GPC6: variants seen among roughly 807,000 people sequenced by gnomAD.
GPC6 encodes glypican-6.
GPC6 carries 14 observed loss-of-function variants against 55.2 expected under a neutral mutation model. That is an observed-to-expected ratio of 0.25 (90% confidence interval 0.17 to 0.40). The LOEUF is 0.40. Among genes scored for constraint, GPC6 ranks in the 10% least tolerant of loss-of-function variants. The probability of loss-of-function intolerance (pLI) is 1.00; values close to 1 mark genes in which losing one functional copy is unlikely to be tolerated. For synonymous variants in GPC6, 278 were observed against 259.6 expected, an observed-to-expected ratio of 1.07 and a Z score of -0.68; for missense variants, 641 against 708.5, an observed-to-expected ratio of 0.90 and a Z score of 1.08.
chr13:94,374,435 C>T (rs1879739215), intron 6 of GPC6, among the ~76,000 whole-genome samples: 1 of 148,380 alleles, frequency 6.7e-6, no homozygotes, highest in Admixed American at 6.7e-5. Flanking sequence ...ATAAAACAGA[C>T]TTTAAACCAA....
At chr13:93,423,200 A>G (rs2139262290) in intron 1 of GPC6, among the ~76,000 whole-genome samples, 1 of 152,282 alleles carries the variant, frequency 6.6e-6, no homozygotes, top group South Asian at 2.1e-4. Flanking sequence ...AGTTTTAGGG[A>G]CATGAGAAAA....
intron 3 of GPC6, among the ~76,000 whole-genome samples, chr13:93,955,205 G>A (rs1475131899): frequency 6.8e-6 from 1 of 147,006 alleles, no homozygotes; most frequent in Non-Finnish European, 1.5e-5. Context: ...AAGTGCAGAA[G>A]GAAGTTGGTT....
At chr13:93,643,140 C>T (rs1880029366) in intron 2 of GPC6, among the ~76,000 whole-genome samples, 1 of 152,078 alleles carries the variant, frequency 6.6e-6, no homozygotes, top group African/African-American at 2.4e-5. Flanking sequence ...AGTTATTGTG[C>T]AATGAGTTCC....
intron 4 of GPC6, among the ~76,000 whole-genome samples, chr13:94,173,872 A>G (rs1330485576): frequency 3.3e-5 from 5 of 152,178 alleles, no homozygotes; most frequent in African/African-American, 9.7e-5. Flanking sequence ...TAGTTTTCCA[A>G]TTACTGCAGC....
At chr13:93,963,918 G>C (rs984864364) in intron 3 of GPC6, among the ~76,000 whole-genome samples, 6 of 152,138 alleles carry the variant, frequency 3.9e-5, no homozygotes. Context: ...CAAGTATCAG[G>C]AGACTTTGTA....
intron 4 of GPC6, among the ~76,000 whole-genome samples, chr13:94,148,109 G>T (rs750531684): frequency 5.9e-5 from 9 of 152,156 alleles, no homozygotes; most frequent in Non-Finnish European, 1.0e-4. Context: ...GAGATTAGTG[G>T]TCCTTACCCA....
intron 7 of GPC6, among the ~76,000 whole-genome samples, chr13:94,397,197 G>T (rs892461835): frequency 2.0e-5 from 3 of 151,992 alleles, no homozygotes; most frequent in Non-Finnish European, 2.9e-5. Context: ...GAGGCTACAG[G>T]GGGGTGTCTC....
At chr13:93,623,619 C>T (rs949162578) in intron 2 of GPC6, among the ~76,000 whole-genome samples, 12 of 151,986 alleles carry the variant, frequency 7.9e-5, no homozygotes, top group Non-Finnish European at 1.3e-4. Flanking sequence ...CCACCACTTC[C>T]AGCTAATTTT....
chr13:94,400,947 G>A (rs1881105292), intron 8 of GPC6, among the ~76,000 whole-genome samples: 1 of 152,166 alleles, frequency 6.6e-6, no homozygotes, highest in Non-Finnish European at 1.5e-5. Context: ...TTACCCTGGT[G>A]CATTTAAATA....
chr13:94,383,193 C>T (rs1177572572), intron 7 of GPC6, among the ~76,000 whole-genome samples: 1 of 152,082 alleles, frequency 6.6e-6, no homozygotes, highest in Non-Finnish European at 1.5e-5. Context: ...CCTGGATTTT[C>T]ATAGGGTGGG....
At chr13:93,337,880 C>G (rs1271093561) in intron 1 of GPC6, among the ~76,000 whole-genome samples, 1 of 152,150 alleles carries the variant, frequency 6.6e-6, no homozygotes, top group Admixed American at 6.5e-5. Flanking sequence ...TGTTTTCCCT[C>G]TTTTTCTTCA....
At position 93,803,138 on chromosome 13, in the gene GPC6, AC is replaced by A. The variant is rs1470396779; in HGVS notation, c.320-27015del. Among the ~76,000 whole-genome samples, 4 of 152,168 alleles carry A rather than the reference AC, an allele frequency of 2.6e-5. 1 individual carries two copies. The highest frequency in any genetic ancestry group is 7.2e-5 in the African/African-American group (3 of 41,454). On this transcript the variant is annotated intron_variant, in intron 2 of 8. Coordinates refer to ENST00000377047, the MANE Select transcript of GPC6 (RefSeq NM_005708.5). ...TAATCTGTTTTATAATCTTTAAGCC[AC>A]AGCAAAATTATGAGTCCTAAGGGGG...
chr13:93,913,452 T>G (rs936669176), intron 3 of GPC6, among the ~76,000 whole-genome samples: 1 of 152,208 alleles, frequency 6.6e-6, no homozygotes, highest in African/African-American at 2.4e-5. Context: ...CTGGACCAAT[T>G]TGAGAACAGC....
At chr13:94,218,533 C>G (rs748590369) in intron 4 of GPC6, among the ~76,000 whole-genome samples, 2 of 152,086 alleles carry the variant, frequency 1.3e-5, no homozygotes, top group Non-Finnish European at 2.9e-5. Flanking sequence ...AAGGTGAGCT[C>G]GAATCTACTT....
rs1881273964 is a variant in GPC6, at chr13:94,404,161, CA to C, written c.*946del. On this transcript the variant is annotated 3_prime_UTR_variant, in exon 9 of 9. Transcript: ENST00000377047. ...CCCTGTGCTCATTACCCTCCCAAAA[CA>C]ATAGTTTTTTTAATGAATTGAAACA... The C allele has an allele frequency of 6.6e-6, 1 of 152,040 alleles. No individual in the cohort carries two copies. The highest frequency in any genetic ancestry group is 2.4e-5 in the African/African-American group (1 of 41,374). 9.4% of individuals were successfully genotyped at this position (152,040 alleles called of 1,614,324 possible). A position where few individuals can be genotyped will look rare whatever the true frequency, so the allele number is the denominator to read the frequency against.
chr13:93,819,450 A>C (rs1886970650), intron 2 of GPC6, among the ~76,000 whole-genome samples: 1 of 152,142 alleles, frequency 6.6e-6, no homozygotes, highest in African/African-American at 2.4e-5. Flanking sequence ...AAAAGCTGGG[A>C]ATGATTTTAA....
chr13:93,789,612 T>TATATAATACTAC (rs1885953323), intron 2 of GPC6, among the ~76,000 whole-genome samples: 5 of 19,124 alleles, frequency 2.6e-4, no homozygotes, highest in Non-Finnish European at 4.0e-4. Flanking sequence ...TATATATATA[T>TATATAATACTAC]ATATATATAT....
intron 4 of GPC6, among the ~76,000 whole-genome samples, chr13:94,038,262 C>A (rs1314926410): frequency 6.6e-6 from 1 of 151,794 alleles, no homozygotes; most frequent in African/African-American, 2.4e-5. Context: ...CAGGCTTAGA[C>A]CATTAAAACA....
chr13:93,359,476 C>A (rs1228744770), intron 1 of GPC6, among the ~76,000 whole-genome samples: 1 of 151,932 alleles, frequency 6.6e-6, no homozygotes. Flanking sequence ...CAAAAGTTAT[C>A]TACTTAGAAA....
Sources: allele counts gnomAD v4.1 joint callset (sites outside exome capture counted in the v4.1 genomes callset), GRCh38; gene constraint gnomAD v4.1.1; transcripts MANE v1.5; gene names NCBI Gene and HGNC (gene_info 2026-07-23, HGNC 2026-07-21).